The following PLCB1 variants were observed in gnomAD, a reference collection of about 807,000 sequenced individuals.
The protein encoded by PLCB1 is 1-phosphatidylinositol 4,5-bisphosphate phosphodiesterase beta-1.
In PLCB1, 46 loss-of-function variants were observed where a neutral mutation model predicts 161.8. That is an observed-to-expected ratio of 0.28 (90% CI 0.22 to 0.36). The LOEUF (loss-of-function observed/expected upper bound fraction) is 0.36, where lower values mean the gene tolerates loss of function less well. Ranked by LOEUF, PLCB1 falls within the 10% of genes least tolerant of loss-of-function variation. The pLI is 1.00. For missense variants in PLCB1, 1,016 were observed against 1,472.5 expected (o/e 0.69, Z 5.07); for synonymous variants, 517 against 503.7 (o/e 1.03, Z -0.35).
chr20:8,542,207 T>G (rs758548616), intron 3 of PLCB1, among the ~76,000 whole-genome samples: 29 of 152,206 alleles, frequency 1.9e-4, no homozygotes, highest in Non-Finnish European at 3.4e-4. Flanking sequence ...GGTTCTTTCC[T>G]ACGTGTGAAC....
intron 14 of PLCB1, 29 bp downstream of exon 14, chr20:8,717,877 T>C: frequency 2.5e-6 from 4 of 1,584,358 alleles, no homozygotes; most frequent in Non-Finnish European, 2.6e-6. Context: ...CTCCCCGTCA[T>C]GTTTTGTGTT....
intron 2 of PLCB1, among the ~76,000 whole-genome samples, chr20:8,247,029 C>A (rs371384873): frequency 7.2e-5 from 11 of 151,924 alleles, no homozygotes; most frequent in South Asian, 4.1e-4. Context: ...AAAACTAATT[C>A]TTTAATACAG....
intron 3 of PLCB1, among the ~76,000 whole-genome samples, chr20:8,607,385 G>T (rs1291436393): frequency 3.3e-5 from 5 of 152,144 alleles, no homozygotes; most frequent in Admixed American, 3.3e-4. Context: ...GTTTCAAATA[G>T]AAATCTAAAC....
chr20:8,253,541 T>A (rs1047065867), intron 2 of PLCB1, among the ~76,000 whole-genome samples: 1 of 152,012 alleles, frequency 6.6e-6, no homozygotes, highest in South Asian at 2.1e-4. Flanking sequence ...CTGGTCTACA[T>A]GAATTTGTGG....
At chr20:8,751,134 C>T (rs1265275746) in intron 23 of PLCB1, 21 of 237,234 alleles carry the variant, frequency 8.9e-5, no homozygotes, top group Non-Finnish European at 1.5e-4. Flanking sequence ...TTAGTAGAGA[C>T]GGGATTTCAC....
intron 27 of PLCB1, among the ~76,000 whole-genome samples, chr20:8,785,732 C>A (rs6039267): frequency 0.22 from 34,039 of 152,024 alleles, 3,853 homozygotes; most frequent in Middle Eastern, 0.36. Flanking sequence ...TCTGTGAGTT[C>A]TCCAGCTTAG....
At chr20:8,222,910 T>A (rs1160600270) in intron 2 of PLCB1, among the ~76,000 whole-genome samples, 2 of 152,136 alleles carry the variant, frequency 1.3e-5, no homozygotes, top group African/African-American at 4.8e-5. Flanking sequence ...ATCCTTTCTG[T>A]AAATGTGTCA....
intron 3 of PLCB1, among the ~76,000 whole-genome samples, chr20:8,464,744 T>G (rs946843361): frequency 1.3e-5 from 2 of 152,144 alleles, no homozygotes; most frequent in Non-Finnish European, 2.9e-5. Flanking sequence ...CACTATTGTT[T>G]GTGTAATGTA....
At chr20:8,455,325 T>TCC (rs1981257018) in intron 3 of PLCB1, among the ~76,000 whole-genome samples, 1 of 81,192 alleles carries the variant, frequency 1.2e-5, no homozygotes, top group African/African-American at 5.6e-5. Flanking sequence ...AGAAACTCCA[T>TCC]CACAAAAAAA....
chr20:8,691,958 G>GAAAC (rs1229280871), intron 10 of PLCB1, among the ~76,000 whole-genome samples: 3 of 152,132 alleles, frequency 2.0e-5, no homozygotes, highest in African/African-American at 7.2e-5. Context: ...TTCCTAGGAA[G>GAAAC]AAACACTATG....
chr20:8,858,670 T>A (rs1987147445), intron 31 of PLCB1, among the ~76,000 whole-genome samples: 1 of 152,114 alleles, frequency 6.6e-6, no homozygotes, highest in Admixed American at 6.5e-5. Context: ...TGGCTTGTTT[T>A]CATAGCTTCG....
At chr20:8,633,685 A>C (rs2123239238) in intron 4 of PLCB1, among the ~76,000 whole-genome samples, 1 of 152,232 alleles carries the variant, frequency 6.6e-6, no homozygotes, top group African/African-American at 2.4e-5. Context: ...TACACAGAAA[A>C]GTGCACAGTT....
intron 1 of PLCB1, among the ~76,000 whole-genome samples, chr20:8,137,363 A>C (rs1433276380): frequency 3.3e-5 from 5 of 152,222 alleles, no homozygotes; most frequent in Non-Finnish European, 5.9e-5. Flanking sequence ...AACAGGGAGG[A>C]AACTTCTCTG....
At chr20:8,546,170 C>T (rs552585944) in intron 3 of PLCB1, among the ~76,000 whole-genome samples, 2 of 127,114 alleles carry the variant, frequency 1.6e-5, no homozygotes, top group South Asian at 5.3e-4. Context: ...CAAAAATTAG[C>T]TGGGCATGGT....
At chr20:8,488,820 A>T (rs1040115254) in intron 3 of PLCB1, among the ~76,000 whole-genome samples, 1 of 152,174 alleles carries the variant, frequency 6.6e-6, no homozygotes, top group East Asian at 1.9e-4. Flanking sequence ...GTAAGACTTC[A>T]AATAGAGGAA....
Position 8,657,229 on chromosome 20 carries a change from G to A in PLCB1, c.640G>A (p.Val214Ile). The change falls in exon 8 of 32, where the codon GTT becomes ATT. Residue 214 changes from valine (V) to isoleucine (I), a missense_variant. Physicochemically the swap from Val to Ile is conservative, Grantham distance 29. Coordinates refer to ENST00000338037, the MANE Select transcript of PLCB1 (RefSeq NM_015192.4). ...QEDFTPEVYR[V>I]FLNNLCPRPE... is the part of the protein sequence containing the mutation. Reference sequence around the variant, plus strand: ...AGATTTCACTCCAGAAGTGTACAGAGTTTTCCTCAACAACCTTTGCCCTCG... The same window carrying A: ...AGATTTCACTCCAGAAGTGTACAGAATTTTCCTCAACAACCTTTGCCCTCG... 7.4e-6 allele frequency: 12 copies of A among 1,611,082 alleles called. No homozygotes were observed. The highest frequency in any genetic ancestry group is 1.0e-5 in the Non-Finnish European group (12 of 1,177,476).
At chr20:8,331,349 GTTT>G (rs531663143) in intron 2 of PLCB1, among the ~76,000 whole-genome samples, 13,302 of 144,406 alleles carry the variant, frequency 0.092, 1,098 homozygotes, top group African/African-American at 0.22. Context: ...TACGTGTGAA[GTTT>G]TTTTTTTTTT....
chr20:8,643,775 C>CTCTCCCTCTCCCTCTCCG (rs1989036197), intron 4 of PLCB1, among the ~76,000 whole-genome samples: 1 of 109,852 alleles, frequency 9.1e-6, no homozygotes, highest in Non-Finnish European at 2.0e-5. Flanking sequence ...CTCCCTCTCC[C>CTCTCCCTCTCCCTCTCCG]TCTTTCTCCC....
chr20:8,225,528 G>A lies in PLCB1; in HGVS notation c.177+75157G>A, dbSNP rs749760401. Among the ~76,000 whole-genome samples the A allele has an allele frequency of 5.9e-5, 9 of 152,158 alleles. No homozygotes were observed. The South Asian group carries it at 6.2e-4, about 11-fold the overall frequency. On this transcript the variant is annotated intron_variant, in intron 2 of 31. Transcript: ENST00000338037. Reference sequence around the variant, plus strand: ...TAATCTTATAGTTTCTTGATATCTTGTGTCTTGGCATACTTGGAATCCCCT... The same window carrying A: ...TAATCTTATAGTTTCTTGATATCTTATGTCTTGGCATACTTGGAATCCCCT...
Sources: gnomAD v4.1 joint callset for allele counts (sites outside exome capture counted in the v4.1 genomes callset) on GRCh38, gnomAD v4.1.1 for gene constraint, MANE v1.5 for transcripts, NCBI Gene and HGNC (gene_info 2026-07-23, HGNC 2026-07-21) for gene names.